CEP63: variants seen among roughly 807,000 people sequenced by gnomAD.
CEP63 encodes the protein centrosomal protein of 63 kDa.
In CEP63, 84 loss-of-function variants were observed where a neutral mutation model predicts 89.1. The ratio of observed to expected loss-of-function variants is 0.94; its 90% CI spans 0.79 to 1.13. The LOEUF (loss-of-function observed/expected upper bound fraction) is 1.13. CEP63 is among the 50% of genes most tolerant of loss of function. CEP63 has a pLI of 0.00. For missense variants in CEP63, 838 were observed against 813.3 expected (o/e 1.03, Z -0.37); for synonymous variants, 267 against 272.5 (o/e 0.98, Z 0.20).
At chr3:134,731,915 T>C in the CEP63 span, among the ~76,000 whole-genome samples, 2 of 152,204 alleles carry the variant, frequency 1.3e-5, no homozygotes, top group South Asian at 2.1e-4. Flanking sequence ...ATCTGGAACA[T>C]AGTAGTTCAT....
the CEP63 span, chr3:134,779,734 C>A: frequency 6.6e-6 from 1 of 152,138 alleles, no homozygotes; most frequent in African/African-American, 2.4e-5. Context: ...TCTTTTCCCA[C>A]CAGACAAAAC....
the CEP63 span, among the ~76,000 whole-genome samples, chr3:134,772,834 G>A: frequency 6.6e-5 from 10 of 152,164 alleles, no homozygotes; most frequent in South Asian, 2.1e-4. Context: ...AGCTGAAGGC[G>A]GGTTCCCAGG....
chr3:134,582,057 G>T (rs1268009804), intron 10 of CEP63, among the ~76,000 whole-genome samples: 1 of 152,018 alleles, frequency 6.6e-6, no homozygotes, highest in African/African-American at 2.4e-5. Flanking sequence ...GAGATTTAAT[G>T]ATGATAAAGT....
At chr3:134,651,054 G>C in the CEP63 span, 1 of 1,552,284 alleles carries the variant, frequency 6.4e-7, no homozygotes, top group Non-Finnish European at 8.7e-7. Flanking sequence ...CCACACGGGA[G>C]AGGGCGAGGG....
rs190259147 is a variant in CEP63 at position 134,538,372 on chromosome 3, G to T, written c.555+1104G>T. The stretch of plus-strand genomic sequence containing the variant: ...GCTGTGAGTGACTTCATTCAAAATG[G>T]TAGGAAAAGTCCACAACAATTGCAA... On this transcript the variant is annotated intron_variant, in intron 6 of 14. Transcript: ENST00000675561. Among the ~76,000 whole-genome samples, 725 of 150,982 alleles carry T rather than the reference G, an allele frequency of 4.8e-3. 7 individuals carry two copies. The highest frequency in any genetic ancestry group is 0.017 in the African/African-American group (694 of 41,298).
the CEP63 span, among the ~76,000 whole-genome samples, chr3:134,626,964 G>C: frequency 6.6e-6 from 1 of 152,112 alleles, no homozygotes; most frequent in Non-Finnish European, 1.5e-5. Context: ...CATTCAAAGT[G>C]GACTCACACA....
downstream of CEP63, among the ~76,000 whole-genome samples, chr3:134,567,468 A>G (rs1049327467): frequency 5.7e-4 from 1 of 1,748 alleles, no homozygotes; most frequent in African/African-American, 2.1e-3. Flanking sequence ...CACTGTTACC[A>G]AAAAAAAAAA....
intron 6 of CEP63, among the ~76,000 whole-genome samples, chr3:134,543,265 C>T (rs970446555): frequency 3.3e-5 from 5 of 152,050 alleles, no homozygotes; most frequent in South Asian, 2.1e-4. Flanking sequence ...TTGTATTTTA[C>T]GGTTAAGAGC....
chr3:134,544,010 A>G (rs561991894), intron 6 of CEP63, among the ~76,000 whole-genome samples: 2 of 150,798 alleles, frequency 1.3e-5, no homozygotes, highest in Admixed American at 6.6e-5. Flanking sequence ...GGTAATTTAT[A>G]CAAACAGTAT....
At chr3:134,669,844 A>C in the CEP63 span, among the ~76,000 whole-genome samples, 1 of 152,238 alleles carries the variant, frequency 6.6e-6, no homozygotes, top group East Asian at 1.9e-4. Flanking sequence ...GATTATTGCT[A>C]TAGACTGAAT....
At chr3:134,486,616 G>A (rs1433591368) in intron 1 of CEP63, 1 of 892,072 alleles carries the variant, frequency 1.1e-6, no homozygotes, top group African/African-American at 1.8e-5. Context: ...TTCCTTTTCA[G>A]CGGAGAGACC....
intron 3 of CEP63, among the ~76,000 whole-genome samples, chr3:134,524,385 T>C (rs550635644): frequency 5.9e-5 from 9 of 152,228 alleles, no homozygotes; most frequent in Non-Finnish European, 1.0e-4. Context: ...ATTTCTTTAT[T>C]TTGCCTGATT....
chr3:134,757,310 T>G, the CEP63 span, among the ~76,000 whole-genome samples: 10 of 152,144 alleles, frequency 6.6e-5, no homozygotes, highest in Admixed American at 6.5e-4. Context: ...GGATAGTGGG[T>G]AGGCAACCAG....
At chr3:134,508,271 C>T (rs529697266) in intron 3 of CEP63, among the ~76,000 whole-genome samples, 7 of 152,282 alleles carry the variant, frequency 4.6e-5, no homozygotes, top group African/African-American at 1.4e-4. Flanking sequence ...GCAACACTGG[C>T]TGTATCAAAG....
chr3:134,661,675 G>A, the CEP63 span, among the ~76,000 whole-genome samples: 1 of 152,084 alleles, frequency 6.6e-6, no homozygotes, highest in Non-Finnish European at 1.5e-5. Context: ...TATGAAAAGA[G>A]AGAGAAAGAG....
chr3:134,605,010 C>T, the CEP63 span, among the ~76,000 whole-genome samples: 1 of 152,170 alleles, frequency 6.6e-6, no homozygotes, highest in Admixed American at 6.5e-5. Context: ...CCCTGATCCC[C>T]ACCTCCCCCA....
Position 134,564,451 on chromosome 3 carries a change from T to C in CEP63, c.*2916T>C. On this transcript the variant is annotated 3_prime_UTR_variant, in exon 15 of 15. Coordinates refer to ENST00000675561, the MANE Select transcript of CEP63 (RefSeq NM_001353108.3). ...TCTCCTCATTGCTGTCATGGCACCC[T>C]GTGTGTGGCTCTGACCAGACTTTGC... The C allele has an allele frequency of 1.0e-6, 1 of 985,466 alleles. No individual in the cohort carries two copies. Among genetic ancestry groups the C allele is most frequent in the Non-Finnish European group, 1.2e-6 (1 of 829,944 alleles). The allele number at this position is 985,466 out of a possible 1,614,324, so 61.0% of individuals were successfully genotyped here.
chr3:134,709,886 C>T, the CEP63 span, among the ~76,000 whole-genome samples: 1 of 152,208 alleles, frequency 6.6e-6, no homozygotes, highest in Admixed American at 6.5e-5. Flanking sequence ...CCGTTAATGG[C>T]AGAAAAATGA....
At chr3:134,700,652 G>A in the CEP63 span, among the ~76,000 whole-genome samples, 1 of 151,966 alleles carries the variant, frequency 6.6e-6, no homozygotes, top group Non-Finnish European at 1.5e-5. Context: ...ACATTTCCCA[G>A]TAACATCTTT....
Sources: gnomAD v4.1 joint callset for allele counts (sites outside exome capture counted in the v4.1 genomes callset) on GRCh38, gnomAD v4.1.1 for gene constraint, MANE v1.5 for transcripts, NCBI Gene and HGNC (gene_info 2026-07-23, HGNC 2026-07-21) for gene names.